Variants in SS18 observed in about 807,000 individuals in gnomAD.
The protein encoded by SS18 is protein SSXT.
SS18 carries 28 observed loss-of-function variants against 72.5 expected under a neutral mutation model. The observed-to-expected ratio is 0.39, with a 90% CI of 0.29 to 0.53. The LOEUF (loss-of-function observed/expected upper bound fraction) is 0.53. Ranked by LOEUF, SS18 falls within the 20% of genes least tolerant of loss-of-function variation. SS18 has a pLI of 0.76. For missense variants in SS18, 518 were observed against 535.3 expected (o/e 0.97, Z 0.32); for synonymous variants, 172 against 164.2 (o/e 1.05, Z -0.37).
rs200524654 is a variant in SS18 at position 26,052,830 on chromosome 18, G to C, written c.401C>G (p.Pro134Arg). ...NGQMPGPNHM[P>R]MQGPGPNQLN... ...TTGATTGGGTCCAGGTCCCTGCATA[G>C]GCATATGGTTAGGCCCTTTGAAGAA... The change falls in exon 5 of 11, where the codon CCT becomes CGT. Residue 134 changes from proline to arginine, a missense_variant. Transcript: ENST00000415083. The C allele has an allele frequency of 3.3e-5, 53 of 1,613,972 alleles. No individual in the cohort carries two copies. The highest frequency in any genetic ancestry group is 4.3e-5 in the Non-Finnish European group (51 of 1,179,974).
intron 7 of SS18, among the ~76,000 whole-genome samples, chr18:26,037,263 A>G (rs75891229): frequency 0.042 from 6,470 of 152,248 alleles, 298 homozygotes; most frequent in Admixed American, 0.13. Context: ...CAGAAAGGTT[A>G]TAACAATACA....
intron 3 of SS18, among the ~76,000 whole-genome samples, chr18:26,068,006 C>T (rs1192968258): frequency 6.6e-6 from 1 of 152,138 alleles, no homozygotes; most frequent in Non-Finnish European, 1.5e-5. Context: ...GGTTCACCTT[C>T]CTGAGAATCT....
chr18:26,032,366 T>C (rs376179585), intron 10 of SS18, 33 bp downstream of exon 10: 2 of 1,605,642 alleles, frequency 1.2e-6, no homozygotes, highest in Admixed American at 1.7e-5. Context: ...GAAGAAACAA[T>C]GTGGCAATTC....
chr18:26,051,037 T>C (rs2053913709), intron 5 of SS18, among the ~76,000 whole-genome samples: 1 of 152,136 alleles, frequency 6.6e-6, no homozygotes. Context: ...CTATTTTCTA[T>C]TAAGAAGTTC....
chr18:26,063,380 G>A (rs548547797), intron 3 of SS18, among the ~76,000 whole-genome samples: 26 of 152,216 alleles, frequency 1.7e-4, no homozygotes, highest in African/African-American at 5.5e-4. Context: ...TTAGCCAGGC[G>A]TGGTGGCGGG....
chr18:26,024,460 A>T (rs1451059391), intron 10 of SS18, among the ~76,000 whole-genome samples: 2 of 152,130 alleles, frequency 1.3e-5, no homozygotes, highest in Non-Finnish European at 2.9e-5. Flanking sequence ...AAGAGCTGGG[A>T]CTACAGGCAC....
chr18:26,032,660 TG>T (rs2143839106), intron 9 of SS18, 128 bp from the exon 10 acceptor site: 2 of 1,009,878 alleles, frequency 2.0e-6, no homozygotes, highest in East Asian at 5.1e-5. Context: ...TTTGGTACCT[TG>T]ATTTCCTCAA....
At position 26,087,541 on chromosome 18, in the gene SS18, T is replaced by C. The variant is rs1177121207; in HGVS notation, c.106A>G (p.Met36Val). 3 of 1,599,352 alleles carry C rather than the reference T, an allele frequency of 1.9e-6. No individual in the cohort carries two copies. Among genetic ancestry groups the C allele is most frequent in the South Asian group, 1.1e-5 (1 of 89,032 alleles). The change falls in exon 2 of 11, where the codon ATG (methionine) becomes GTG (valine). Residue 36 changes from methionine (M) to valine (V), a missense_variant. Transcript: ENST00000415083. The stretch of plus-strand genomic sequence containing the variant: ...GTCTTTCCTTTATTCTGAGAGTCCA[T>C]TATACACTGAATAAGATGGTTATTG... ...DDNNHLIQCI[M>V]DSQNKGKTSE...
At chr18:26,026,054 T>TACTAAATAC (rs2053439926) in intron 10 of SS18, among the ~76,000 whole-genome samples, 1 of 152,186 alleles carries the variant, frequency 6.6e-6, no homozygotes, top group Non-Finnish European at 1.5e-5. Context: ...GTAGAATTTC[T>TACTAAATAC]ACTAAATACA....
chr18:26,042,679 G>T (rs1456121586), intron 5 of SS18, among the ~76,000 whole-genome samples: 1 of 151,432 alleles, frequency 6.6e-6, no homozygotes, highest in African/African-American at 2.4e-5. Context: ...GTAAGTCAAG[G>T]ATCAAATTTA....
Position 26,035,815 on chromosome 18 carries a change from G to A in SS18, c.973+16C>T. On this transcript the variant is annotated intron_variant, in intron 8 of 10. Coordinates refer to ENST00000415083, the MANE Select transcript of SS18 (RefSeq NM_001007559.3). The surrounding 1 kb of genome is among the most constrained non-coding windows in gnomAD (Gnocchi z 4.4). The stretch of plus-strand genomic sequence containing the variant: ...AGGGGATATATATGTGTATGTGTGT[G>A]AAGGTATATAGATACCTCCTTCGTA... 1 of 1,548,622 alleles carries A rather than the reference G, an allele frequency of 6.5e-7. No individual in the cohort carries two copies. The highest frequency in any genetic ancestry group is 8.8e-7 in the Non-Finnish European group (1 of 1,130,738).
In SS18 at chr18:26,024,075, C is replaced by CAA. The variant is rs1433139763; in HGVS notation, c.1231-5697_1231-5696dup. ...AAAATATTATTTTAAGTAAAAAAAACAAAACACCAGTCACAAAACTCCACA... is the reference window on the plus strand; with the variant it reads ...AAAATATTATTTTAAGTAAAAAAAACAAAAAACACCAGTCACAAAACTCCACA... On this transcript the variant is annotated intron_variant, in intron 10 of 10. Coordinates refer to ENST00000415083, the MANE Select transcript of SS18 (RefSeq NM_001007559.3). Among the ~76,000 whole-genome samples, 5 of 152,024 alleles carry CAA rather than the reference C, an allele frequency of 3.3e-5. No homozygotes were observed. The East Asian group carries it at 9.7e-4, about 29-fold the overall frequency.
intron 5 of SS18, among the ~76,000 whole-genome samples, chr18:26,050,288 T>G (rs540340365): frequency 6.6e-6 from 1 of 151,606 alleles, no homozygotes; most frequent in South Asian, 2.1e-4. Context: ...CAATAGACCC[T>G]CTAAGAGAAC....
chr18:26,058,203 T>C (rs2054059496), intron 3 of SS18, among the ~76,000 whole-genome samples: 1 of 152,192 alleles, frequency 6.6e-6, no homozygotes, highest in South Asian at 2.1e-4. Context: ...AGCAGAGGAA[T>C]GTTTTAAAAC....
At chr18:26,046,955 T>C (rs1319405152) in intron 5 of SS18, among the ~76,000 whole-genome samples, 29 of 152,188 alleles carry the variant, frequency 1.9e-4, no homozygotes, top group Admixed American at 1.8e-3. Flanking sequence ...ATACAATTAC[T>C]CTTAATGTGC....
intron 2 of SS18, among the ~76,000 whole-genome samples, chr18:26,084,452 T>C (rs1290876104): frequency 6.6e-6 from 1 of 152,168 alleles, no homozygotes; most frequent in Non-Finnish European, 1.5e-5. Flanking sequence ...AGAAACAATG[T>C]AAATGTGCCT....
rs138280021 is a variant in SS18, at chr18:26,036,911, T to C, written c.881-988A>G. Among the ~76,000 whole-genome samples the C allele has an allele frequency of 3.7e-4, 56 of 152,236 alleles. No homozygotes were observed. In the East Asian group the frequency reaches 8.7e-3, roughly 24 times the overall value. ...TGCCTATTCATTTCAGTATTGTCCA[T>C]AGCTGCTTTCATGCTACAATAAGAG... is the stretch of plus-strand genomic sequence containing the variant. On this transcript the variant is annotated intron_variant, in intron 7 of 10. Coordinates refer to ENST00000415083, the MANE Select transcript of SS18 (RefSeq NM_001007559.3).
At chr18:26,076,503 TA>T (rs937676306) in intron 3 of SS18, among the ~76,000 whole-genome samples, 6 of 151,752 alleles carry the variant, frequency 4.0e-5, no homozygotes, top group African/African-American at 1.2e-4. Flanking sequence ...TTCACGAAAA[TA>T]AATTCTACCT....
chr18:26,068,131 C>T (rs1252980012), intron 3 of SS18: 1 of 152,200 alleles, frequency 6.6e-6, no homozygotes, highest in Non-Finnish European at 1.5e-5. Flanking sequence ...CGTATCAGTC[C>T]ATGGCCTAGG....
Sources: allele counts gnomAD v4.1 joint callset (sites outside exome capture counted in the v4.1 genomes callset), GRCh38; gene constraint gnomAD v4.1.1; non-coding constraint Gnocchi (gnomAD v3.1); transcripts MANE v1.5; gene names NCBI Gene and HGNC (gene_info 2026-07-23, HGNC 2026-07-21).